OR11A1: variants seen among roughly 807,000 people sequenced by gnomAD.
OR11A1 encodes the protein olfactory receptor 11A1.
For synonymous variants in OR11A1, 158 were observed against 152.2 expected, an observed-to-expected ratio of 1.04 and a Z score of -0.28; for missense variants, 380 against 378.2, an observed-to-expected ratio of 1.00 and a Z score of -0.04.
At position 29,427,204 on chromosome 6, in the gene OR11A1, C is replaced by T; in HGVS notation, c.438G>A (p.Val146=). ...LMGPRRYMGL[V]VTTWLSGFVV... ...CAAATCCAGAGAGCCAGGTTGTGAC[C>T]ACCAGCCCCATGTACCGTCTGGGCC... The change falls in exon 5 of 5, where the codon GTG becomes GTA. Residue 146 remains valine, a synonymous_variant. Coordinates refer to ENST00000377149, the MANE Select transcript of OR11A1 (RefSeq NM_001394828.1). The T allele has an allele frequency of 6.2e-7, 1 of 1,613,074 alleles. No homozygotes were observed. Among genetic ancestry groups the T allele is most frequent in the South Asian group, 1.1e-5 (1 of 91,074 alleles).
At chr6:29,431,082 C>T (rs7349863) in intron 2 of OR11A1, among the ~76,000 whole-genome samples, 35,073 of 152,044 alleles carry the variant, frequency 0.23, 4,368 homozygotes, top group Non-Finnish European at 0.29. Context: ...GAACAATCAG[C>T]CACACACTCA....
intron 1 of OR11A1, chr6:29,439,982 TC>T (rs1164186451): frequency 6.4e-7 from 1 of 1,555,276 alleles, no homozygotes; most frequent in Non-Finnish European, 8.8e-7. Flanking sequence ...CCTTGCCATT[TC>T]TTTTGTCTTC....
Position 29,427,348 on chromosome 6 carries a change from GCAACCAGC to G in OR11A1, c.286_293del (p.Ala96LeufsTer14). The G allele has an allele frequency of 6.2e-7, 1 of 1,613,116 alleles. No homozygotes were observed. Among genetic ancestry groups the G allele is most frequent in the South Asian group, 1.1e-5 (1 of 91,078 alleles). ...AGCCGAAGATAAAGAACTGGAGCAAGCAACCAGCCACAGAGATAGTTGCTTCTTGCAGG... is the reference window on the plus strand; with the variant it reads ...AGCCGAAGATAAAGAACTGGAGCAAGCACAGAGATAGTTGCTTCTTGCAGG... On this transcript the variant is annotated frameshift_variant, in exon 5 of 5. Coordinates refer to ENST00000377149, the MANE Select transcript of OR11A1 (RefSeq NM_001394828.1). LOFTEE classifies it low-confidence loss of function (END_TRUNC).
At chr6:29,448,085 C>T (rs6911542) in intron 1 of OR11A1, among the ~76,000 whole-genome samples, 5,719 of 129,858 alleles carry the variant, frequency 0.044, 268 homozygotes, top group African/African-American at 0.13. Context: ...GGTGTGATCT[C>T]GGCTCACTGC....
At position 29,431,848 on chromosome 6, in the gene OR11A1, A is replaced by G; in HGVS notation, c.-265+16T>C. On this transcript the variant is annotated intron_variant, in intron 2 of 4. Transcript: ENST00000377149. Reference sequence around the variant, plus strand: ...TGTGAACTAAGCTGTAAAGAATTTTACAAAAATAAACGTACCCGAAATATC... The same window carrying G: ...TGTGAACTAAGCTGTAAAGAATTTTGCAAAAATAAACGTACCCGAAATATC... 1.0e-6 allele frequency: 1 copy of G among 985,214 alleles called. No individual in the cohort carries two copies. Among genetic ancestry groups the G allele is most frequent in the Non-Finnish European group, 1.2e-6 (1 of 829,774 alleles). 61.0% of individuals were successfully genotyped at this position (985,214 alleles called of 1,614,324 possible).
Position 29,427,247 on chromosome 6 carries a change from T to C in OR11A1, c.395A>G (p.His132Arg), listed in dbSNP as rs775342307. 5.0e-6 allele frequency: 8 copies of C among 1,612,972 alleles called. No individual in the cohort carries two copies. The highest frequency in any genetic ancestry group is 6.8e-6 in the Non-Finnish European group (8 of 1,179,996). Residue 132 changes from histidine to arginine, a missense_variant, in exon 5 of 5, where the codon CAC becomes CGC. Physicochemically the swap from His to Arg is conservative, Grantham distance 29. Coordinates refer to ENST00000377149, the MANE Select transcript of OR11A1 (RefSeq NM_001394828.1). ...TCTGGGCCCCATCAGGAGTGGGTAG[T>C]GGAGTGGGTAGCAAATTGCCAGGTA... is the stretch of plus-strand genomic sequence containing the variant. ...DRYLAICYPL[H>R]YPLLMGPRRY...
intron 1 of OR11A1, among the ~76,000 whole-genome samples, chr6:29,434,343 T>C (rs952560753): frequency 2.0e-4 from 31 of 152,232 alleles, no homozygotes; most frequent in African/African-American, 7.5e-4. Flanking sequence ...TTCTCATATA[T>C]TGAGTGTCAT....
At chr6:29,433,618 T>A (rs2151370248) in intron 1 of OR11A1, among the ~76,000 whole-genome samples, 1 of 152,274 alleles carries the variant, frequency 6.6e-6, no homozygotes, top group Non-Finnish European at 1.5e-5. Context: ...TCTTGGCTAT[T>A]GTGAATAATA....
At chr6:29,444,538 T>C (rs1217820697) in intron 1 of OR11A1, among the ~76,000 whole-genome samples, 1 of 152,188 alleles carries the variant, frequency 6.6e-6, no homozygotes, top group African/African-American at 2.4e-5. Context: ...TGGATTGAGT[T>C]CCAGATCCAC....
In OR11A1 at chr6:29,426,985, A is replaced by C. The variant is rs148047375; in HGVS notation, c.657T>G (p.Tyr219Ter). The C allele has an allele frequency of 3.1e-6, 5 of 1,612,924 alleles. No individual in the cohort carries two copies. In the African/African-American group the frequency reaches 6.7e-5, roughly 22 times the overall value. Residue 219 changes from tyrosine (Y) to a stop codon, truncating the protein, a stop_gained, in exon 5 of 5, where the codon TAT becomes TAG. Transcript: ENST00000377149. LOFTEE classifies it low-confidence loss of function (END_TRUNC). ...TCAGCACTGCCACCACAATTCTGGCATAAGATGTCAGAATCAGTCCAAAAG... is the reference window on the plus strand; with the variant it reads ...TCAGCACTGCCACCACAATTCTGGCCTAAGATGTCAGAATCAGTCCAAAAG... ...TIPFGLILTS[Y>*]ARIVVAVLRV...
intron 1 of OR11A1, among the ~76,000 whole-genome samples, chr6:29,442,062 A>G (rs1025518367): frequency 1.3e-5 from 2 of 152,222 alleles, no homozygotes; most frequent in Admixed American, 1.3e-4. Flanking sequence ...TCTGGCACAA[A>G]ATAGTATCTT....
chr6:29,446,129 A>T (rs1484604225), intron 1 of OR11A1, among the ~76,000 whole-genome samples: 1 of 152,138 alleles, frequency 6.6e-6, no homozygotes, highest in African/African-American at 2.4e-5. Flanking sequence ...TCTTTTGGCT[A>T]ACCCTTTACA....
intron 1 of OR11A1, among the ~76,000 whole-genome samples, chr6:29,452,983 TG>T (rs1162456875): frequency 6.6e-6 from 1 of 151,630 alleles, no homozygotes; most frequent in Non-Finnish European, 1.5e-5. Flanking sequence ...GCACAAAGAA[TG>T]GGAGGAATTA....
intron 1 of OR11A1, among the ~76,000 whole-genome samples, chr6:29,432,782 G>T (rs1460454605): frequency 6.6e-6 from 1 of 151,864 alleles, no homozygotes; most frequent in Non-Finnish European, 1.5e-5. Context: ...TGTGTTGAAG[G>T]CACTTCTGTG....
intron 2 of OR11A1, among the ~76,000 whole-genome samples, chr6:29,431,038 A>G (rs3131025): frequency 0.64 from 97,861 of 151,964 alleles, 31,810 homozygotes; most frequent in Non-Finnish European, 0.68. Flanking sequence ...GTAGAGAAGT[A>G]AGAATAGTGC....
chr6:29,440,322 T>G lies in OR11A1; in HGVS notation c.-388-8335A>C, dbSNP rs562937738. On this transcript the variant is annotated intron_variant, in intron 1 of 4. Transcript: ENST00000377149. ...TGGATGTGCTCTCCAGATGTTCTTCTTCCTCTTCTTTGGCGCCACGGAGTG... is the reference window on the plus strand; with the variant it reads ...TGGATGTGCTCTCCAGATGTTCTTCGTCCTCTTCTTTGGCGCCACGGAGTG... The G allele has an allele frequency of 5.6e-6, 9 of 1,614,114 alleles. No homozygotes were observed. The African/African-American group carries it at 9.3e-5, about 17-fold the overall frequency.
intron 1 of OR11A1, among the ~76,000 whole-genome samples, chr6:29,441,478 C>T (rs909266070): frequency 1.3e-5 from 2 of 152,140 alleles, no homozygotes; most frequent in African/African-American, 4.8e-5. Flanking sequence ...AATTCATATG[C>T]CGCAGAGGTT....
Position 29,434,379 on chromosome 6 carries a change from T to A in OR11A1, c.-388-2392A>T, listed in dbSNP as rs534741852. ...AAGGATCCAATTTCATTCTTCTGCATGTGGATATTCAGTTTTCCAACATCA... is the reference window on the plus strand; with the variant it reads ...AAGGATCCAATTTCATTCTTCTGCAAGTGGATATTCAGTTTTCCAACATCA... On this transcript the variant is annotated intron_variant, in intron 1 of 4. Transcript: ENST00000377149. Among the ~76,000 whole-genome samples, 10 of 152,338 alleles carry A rather than the reference T, an allele frequency of 6.6e-5. No individual in the cohort carries two copies. The East Asian group carries it at 1.5e-3, about 23-fold the overall frequency.
intron 1 of OR11A1, among the ~76,000 whole-genome samples, chr6:29,455,179 T>C (rs1785927818): frequency 6.6e-6 from 1 of 152,126 alleles, no homozygotes; most frequent in Non-Finnish European, 1.5e-5. Flanking sequence ...TTAATCAAAC[T>C]TAAAAGCTTC....
Sources: allele counts gnomAD v4.1 joint callset (sites outside exome capture counted in the v4.1 genomes callset), GRCh38; gene constraint gnomAD v4.1.1; transcripts MANE v1.5; gene names NCBI Gene and HGNC (gene_info 2026-07-23, HGNC 2026-07-21).